CSMD3: variants seen among roughly 807,000 people sequenced by gnomAD.
The protein encoded by CSMD3 is CUB and sushi domain-containing protein 3.
A neutral mutation model predicts 435.2 loss-of-function variants in CSMD3; 177 were observed. That is an observed-to-expected ratio of 0.41 (90% CI 0.36 to 0.46). The LOEUF is 0.46. Ranked by LOEUF, CSMD3 falls within the 20% of genes least tolerant of loss-of-function variation. The probability of loss-of-function intolerance (pLI) is 0.34; values close to 1 mark genes in which losing one functional copy is unlikely to be tolerated. For missense variants in CSMD3, 4,265 were observed against 4,504.6 expected, an observed-to-expected ratio of 0.95 and a Z score of 1.52; for synonymous variants, 1,656 against 1,520.5, an observed-to-expected ratio of 1.09 and a Z score of -2.07.
At chr8:112,987,155 AT>A (rs2085285425) in intron 6 of CSMD3, among the ~76,000 whole-genome samples, 1 of 152,092 alleles carries the variant, frequency 6.6e-6, no homozygotes, top group African/African-American at 2.4e-5. Flanking sequence ...ATGCAAAAAA[AT>A]TTAATCATTA....
At chr8:112,494,524 TTTCTTTC>T (rs1480318854) in intron 30 of CSMD3, among the ~76,000 whole-genome samples, 1 of 137,944 alleles carries the variant, frequency 7.2e-6, no homozygotes, top group East Asian at 2.1e-4. Context: ...TCTTTCTTTC[TTTCTTTC>T]TTTCTTTCTT....
At chr8:113,242,934 T>TA (rs1327878910) in intron 3 of CSMD3, among the ~76,000 whole-genome samples, 2 of 151,858 alleles carry the variant, frequency 1.3e-5, no homozygotes, top group Non-Finnish European at 2.9e-5. Context: ...TCTATAAATT[T>TA]AAAAAAAGTG....
At chr8:113,406,717 C>A (rs907144598) in intron 1 of CSMD3, among the ~76,000 whole-genome samples, 2 of 151,888 alleles carry the variant, frequency 1.3e-5, no homozygotes, top group African/African-American at 4.8e-5. Flanking sequence ...GAGAACTCTA[C>A]AGAGTATATG....
At chr8:112,733,006 T>C (rs2077108430) in intron 13 of CSMD3, among the ~76,000 whole-genome samples, 1 of 152,172 alleles carries the variant, frequency 6.6e-6, no homozygotes, top group Admixed American at 6.6e-5. Flanking sequence ...TTTTAAAATG[T>C]ATTTTTAAAA....
intron 5 of CSMD3, among the ~76,000 whole-genome samples, chr8:113,065,418 G>A (rs902016508): frequency 6.6e-6 from 1 of 151,874 alleles, no homozygotes; most frequent in Non-Finnish European, 1.5e-5. Context: ...ACGGAGTCTC[G>A]CTCTGTCGCC....
chr8:112,681,323 G>T (rs758160530), intron 16 of CSMD3, among the ~76,000 whole-genome samples: 31 of 151,434 alleles, frequency 2.0e-4, no homozygotes, highest in Non-Finnish European at 3.7e-4. Flanking sequence ...AAGTGCTGGG[G>T]TTACAGGCGT....
At chr8:113,019,241 C>T (rs1393755030) in intron 5 of CSMD3, 62 bp from the exon 6 acceptor site, 11 of 1,044,826 alleles carry the variant, frequency 1.1e-5, no homozygotes, top group Non-Finnish European at 1.4e-5. Flanking sequence ...AACGTTTTCA[C>T]AAAATTGGGA....
intron 36 of CSMD3, among the ~76,000 whole-genome samples, chr8:112,390,215 G>A (rs1830299574): frequency 6.6e-6 from 1 of 152,156 alleles, no homozygotes; most frequent in Non-Finnish European, 1.5e-5. Context: ...CACTGAAATG[G>A]TACATAACAT....
At chr8:113,341,180 T>C (rs1482733329) in intron 1 of CSMD3, among the ~76,000 whole-genome samples, 1 of 152,184 alleles carries the variant, frequency 6.6e-6, no homozygotes, top group African/African-American at 2.4e-5. Flanking sequence ...TATGTACATG[T>C]ATGTATATAT....
Position 112,517,132 on chromosome 8 carries a change from T to G in CSMD3, c.4658A>C (p.Gln1553Pro), listed in dbSNP as rs1823754036. 6.2e-7 allele frequency: 1 copy of G among 1,613,764 alleles called. No homozygotes were observed. The highest frequency in any genetic ancestry group is 8.5e-7 in the Non-Finnish European group (1 of 1,179,792). ...GREPGDTVVF[Q>P]CDPGYELQGE... ...TTGAAGTTCATATCCTGGGTCACAT[T>G]GAAAAACAACAGTGTCCCCAGGTTC... The change falls in exon 28 of 71, where the codon CAA becomes CCA. Residue 1553 changes from glutamine (Q) to proline (P), a missense_variant. Around this residue, in one of 3 missense-constraint regions of CSMD3, gnomAD observed 3,255 missense variants for 3,380.2 expected, o/e 0.96. Coordinates refer to ENST00000297405, the MANE Select transcript of CSMD3 (RefSeq NM_198123.2).
intron 5 of CSMD3, among the ~76,000 whole-genome samples, chr8:113,051,401 A>G (rs939012008): frequency 6.6e-6 from 1 of 152,182 alleles, no homozygotes; most frequent in African/African-American, 2.4e-5. Context: ...CATTTCAAGT[A>G]TCTCCATTCT....
chr8:112,383,145 T>C (rs1484017239), intron 37 of CSMD3, among the ~76,000 whole-genome samples: 1 of 152,210 alleles, frequency 6.6e-6, no homozygotes, highest in Non-Finnish European at 1.5e-5. Flanking sequence ...AATAATTCTG[T>C]ATTCTCTTTA....
intron 22 of CSMD3, among the ~76,000 whole-genome samples, chr8:112,633,277 T>C (rs1207238575): frequency 6.7e-6 from 1 of 149,132 alleles, no homozygotes; most frequent in Admixed American, 6.8e-5. Flanking sequence ...GTATCAACTA[T>C]AATGCAGGCC....
At chr8:112,286,524 T>C (rs142845431) in intron 58 of CSMD3, among the ~76,000 whole-genome samples, 12 of 152,224 alleles carry the variant, frequency 7.9e-5, no homozygotes, top group Non-Finnish European at 1.8e-4. Flanking sequence ...GAAGGGTGAG[T>C]ACAGTCAACA....
At chr8:113,144,181 G>C (rs1171438499) in intron 4 of CSMD3, among the ~76,000 whole-genome samples, 1 of 150,846 alleles carries the variant, frequency 6.6e-6, no homozygotes, top group African/African-American at 2.4e-5. Context: ...ATACATTTTT[G>C]TATATTATGA....
intron 32 of CSMD3, among the ~76,000 whole-genome samples, chr8:112,457,681 G>A (rs1240500782): frequency 6.6e-6 from 1 of 152,006 alleles, no homozygotes; most frequent in East Asian, 1.9e-4. Flanking sequence ...ACTGGGAAGA[G>A]GCTAAAATGA....
chr8:113,198,818 T>A (rs1198028197), intron 3 of CSMD3, among the ~76,000 whole-genome samples: 1 of 151,230 alleles, frequency 6.6e-6, no homozygotes, highest in East Asian at 1.9e-4. Context: ...ATATAATTAA[T>A]ACCTTGTTTT....
At chr8:112,359,601 C>T (rs1207627610) in intron 38 of CSMD3, among the ~76,000 whole-genome samples, 2 of 151,974 alleles carry the variant, frequency 1.3e-5, no homozygotes, top group African/African-American at 4.8e-5. Context: ...GTTAGAGTAG[C>T]TTAAATCATG....
intron 66 of CSMD3, among the ~76,000 whole-genome samples, chr8:112,240,448 A>G (rs1246606640): frequency 9.6e-6 from 1 of 104,282 alleles, no homozygotes; most frequent in Non-Finnish European, 2.5e-5. Flanking sequence ...GATTGCCTCA[A>G]TGGCATTCAG....
Sources: gnomAD v4.1 joint callset for allele counts (sites outside exome capture counted in the v4.1 genomes callset) on GRCh38, gnomAD v4.1.1 for gene constraint, gnomAD v4.1.1 regional missense constraint, MANE v1.5 for transcripts, NCBI Gene and HGNC (gene_info 2026-07-23, HGNC 2026-07-21) for gene names.